The following EXOC6B variants were observed in gnomAD, a reference collection of about 807,000 sequenced individuals.
EXOC6B encodes the protein SEC15 homolog B.
Under a neutral mutation model 113.5 loss-of-function variants are expected in EXOC6B, and 54 were observed. That is an observed-to-expected ratio of 0.48 (90% CI 0.38 to 0.60). The LOEUF (loss-of-function observed/expected upper bound fraction) is 0.60, where lower values mean the gene tolerates loss of function less well. EXOC6B is among the 20% of genes least tolerant of loss of function. The probability of loss-of-function intolerance (pLI) is 0.00; values close to 1 mark genes in which losing one functional copy is unlikely to be tolerated. For missense variants in EXOC6B, 797 were observed against 977.5 expected, an observed-to-expected ratio of 0.82 and a Z score of 2.46; for synonymous variants, 357 against 339.0, an observed-to-expected ratio of 1.05 and a Z score of -0.58.
Position 72,586,059 on chromosome 2 carries a change from G to A in EXOC6B, c.670-10391C>T, listed in dbSNP as rs572587578. Among the ~76,000 whole-genome samples, 37 of 152,214 alleles carry A rather than the reference G, an allele frequency of 2.4e-4. 1 individual carries two copies. Among genetic ancestry groups the A allele is most frequent in the African/African-American group, 8.9e-4 (37 of 41,524 alleles). On this transcript the variant is annotated intron_variant, in intron 6 of 21. Transcript: ENST00000272427. ...ACTGTGTAGGTATATACCAAAGAAT[G>A]AAGCTGGACCCCTGTCTTTCACATA...
chr2:72,727,478 A>G (rs1232322604), intron 5 of EXOC6B, among the ~76,000 whole-genome samples: 1 of 152,186 alleles, frequency 6.6e-6, no homozygotes, highest in Non-Finnish European at 1.5e-5. Flanking sequence ...TAAAAGCAAC[A>G]TGTGATTTGA....
intron 1 of EXOC6B, among the ~76,000 whole-genome samples, chr2:72,758,743 C>G (rs757370538): frequency 2.0e-5 from 3 of 152,198 alleles, no homozygotes; most frequent in African/African-American, 7.2e-5. Flanking sequence ...TGGAACATCT[C>G]TAGTAAAAAG....
intron 1 of EXOC6B, among the ~76,000 whole-genome samples, chr2:72,786,725 A>G (rs891204307): frequency 6.6e-6 from 1 of 152,204 alleles, no homozygotes; most frequent in Non-Finnish European, 1.5e-5. Flanking sequence ...AGTAGTCTAT[A>G]TACTCCACTA....
intron 19 of EXOC6B, among the ~76,000 whole-genome samples, chr2:72,369,875 G>A (rs1360194655): frequency 6.6e-6 from 1 of 152,018 alleles, no homozygotes; most frequent in Non-Finnish European, 1.5e-5. Context: ...ATAGATTAAA[G>A]ACTTAAATGT....
intron 20 of EXOC6B, among the ~76,000 whole-genome samples, chr2:72,240,622 T>C (rs1169148620): frequency 6.6e-6 from 1 of 152,180 alleles, no homozygotes; most frequent in East Asian, 1.9e-4. Flanking sequence ...TGGACAATGA[T>C]AGTGACTGGT....
At chr2:72,343,082 AT>A (rs2104912585) in intron 19 of EXOC6B, among the ~76,000 whole-genome samples, 1 of 152,322 alleles carries the variant, frequency 6.6e-6, no homozygotes, top group African/African-American at 2.4e-5. Context: ...ATTTCTAAAC[AT>A]TAAATTTTAG....
At chr2:72,268,103 GT>G (rs547872701) in intron 20 of EXOC6B, among the ~76,000 whole-genome samples, 1 of 151,964 alleles carries the variant, frequency 6.6e-6, no homozygotes, top group Non-Finnish European at 1.5e-5. Context: ...AAGGTTTTGG[GT>G]TTTTTTGTTT....
chr2:72,613,704 CAGAA>C (rs1261118908), intron 6 of EXOC6B, among the ~76,000 whole-genome samples: 1 of 149,310 alleles, frequency 6.7e-6, no homozygotes, highest in Non-Finnish European at 1.5e-5. Context: ...ACTGGATAAA[CAGAA>C]AGACACTTGA....
chr2:72,802,470 A>T (rs1685340207), intron 1 of EXOC6B, among the ~76,000 whole-genome samples: 1 of 152,170 alleles, frequency 6.6e-6, no homozygotes, highest in Non-Finnish European at 1.5e-5. Flanking sequence ...AGTAGGCTAT[A>T]TCAAGTATAA....
intron 20 of EXOC6B, among the ~76,000 whole-genome samples, chr2:72,192,533 T>G (rs137890257): frequency 6.6e-6 from 1 of 152,248 alleles, no homozygotes; most frequent in Non-Finnish European, 1.5e-5. Flanking sequence ...AGATGTTTGG[T>G]GACATGTGGG....
rs375809444 is a variant in EXOC6B, at chr2:72,225,576, T to C, written c.2197-41389A>G. On this transcript the variant is annotated intron_variant, in intron 20 of 21. Coordinates refer to ENST00000272427, the MANE Select transcript of EXOC6B (RefSeq NM_015189.3). ...TGAGACAATTACTTAGACTTGTCTA[T>C]GGAGCAAGGTTAGAATTAAGACTTC... Among the ~76,000 whole-genome samples the C allele has an allele frequency of 1.2e-4, 19 of 152,278 alleles. No homozygotes were observed. In the South Asian group the frequency reaches 1.7e-3, roughly 13 times the overall value.
intron 6 of EXOC6B, among the ~76,000 whole-genome samples, chr2:72,670,245 G>C (rs991794377): frequency 6.6e-6 from 1 of 151,982 alleles, no homozygotes; most frequent in Non-Finnish European, 1.5e-5. Context: ...ATAATATTTT[G>C]TTATAAATTA....
chr2:72,791,213 A>C (rs1256270025), intron 1 of EXOC6B, among the ~76,000 whole-genome samples: 1 of 152,200 alleles, frequency 6.6e-6, no homozygotes, highest in African/African-American at 2.4e-5. Flanking sequence ...CGGTGTATAC[A>C]TGCATCAAAG....
At chr2:72,514,601 A>ATATATATATATAT (rs71884143) in intron 10 of EXOC6B, 33 bp downstream of exon 10, 2 of 81,832 alleles carry the variant, frequency 2.4e-5, no homozygotes, top group African/African-American at 4.1e-5. Context: ...TAAATAAATA[A>ATATATATATATAT]ATAAATATAT....
chr2:72,428,463 C>A lies in EXOC6B; in HGVS notation c.1980+36697G>T, dbSNP rs370738593. Among the ~76,000 whole-genome samples, 22 of 152,286 alleles carry A rather than the reference C, an allele frequency of 1.4e-4. 2 individuals carry two copies. The highest frequency in any genetic ancestry group is 4.6e-4 in the African/African-American group (19 of 41,562). ...TTGCAGCCTTGCAGAGAGCTGGAAC[C>A]CATGCCAGCACCTGGAGCTGCCTGC... is the stretch of plus-strand genomic sequence containing the variant. On this transcript the variant is annotated intron_variant, in intron 18 of 21. Transcript: ENST00000272427.
At chr2:72,753,390 C>T (rs913506683) in intron 1 of EXOC6B, among the ~76,000 whole-genome samples, 1 of 152,098 alleles carries the variant, frequency 6.6e-6, no homozygotes, top group Non-Finnish European at 1.5e-5. Context: ...CACTTCACCT[C>T]ACACCTCCTC....
chr2:72,431,361 G>A (rs1243985411), intron 18 of EXOC6B, among the ~76,000 whole-genome samples: 1 of 151,966 alleles, frequency 6.6e-6, no homozygotes, highest in Non-Finnish European at 1.5e-5. Context: ...TCCTCCAGGT[G>A]GATGCAGTGG....
intron 20 of EXOC6B, among the ~76,000 whole-genome samples, chr2:72,299,793 C>A (rs1033117403): frequency 6.6e-6 from 1 of 152,292 alleles, no homozygotes; most frequent in Non-Finnish European, 1.5e-5. Context: ...AACAGTCAGG[C>A]CTCTCTGCTG....
intron 8 of EXOC6B, among the ~76,000 whole-genome samples, chr2:72,546,443 A>C (rs1702904029): frequency 6.6e-6 from 1 of 152,024 alleles, no homozygotes; most frequent in Non-Finnish European, 1.5e-5. Flanking sequence ...CTCCATCTCC[A>C]AAAAAAAGAG....
Sources: gnomAD v4.1 joint callset for allele counts (sites outside exome capture counted in the v4.1 genomes callset) on GRCh38, gnomAD v4.1.1 for gene constraint, MANE v1.5 for transcripts, NCBI Gene and HGNC (gene_info 2026-07-23, HGNC 2026-07-21) for gene names.